KCNIP4: variants seen among roughly 807,000 people sequenced by gnomAD.
The protein encoded by KCNIP4 is potassium voltage-gated channel interacting protein 4.
A neutral mutation model predicts 34.0 loss-of-function variants in KCNIP4; 12 were observed. The ratio of observed to expected loss-of-function variants is 0.35; its 90% confidence interval spans 0.23 to 0.57. KCNIP4 has a LOEUF of 0.57. Ranked by LOEUF, KCNIP4 falls within the 20% of genes least tolerant of loss-of-function variation. The pLI is 0.83. For synonymous variants in KCNIP4, 124 were observed against 102.2 expected, an observed-to-expected ratio of 1.21 and a Z score of -1.29; for missense variants, 238 against 311.7, an observed-to-expected ratio of 0.76 and a Z score of 1.78.
At chr4:21,644,078 T>A (rs1003361839) in intron 1 of KCNIP4, among the ~76,000 whole-genome samples, 10 of 151,044 alleles carry the variant, frequency 6.6e-5, no homozygotes, top group South Asian at 6.3e-4. Context: ...GTCCTGGTTT[T>A]AAAAAAAAAA....
chr4:21,582,456 C>G (rs1004990241), intron 1 of KCNIP4: 1 of 151,824 alleles, frequency 6.6e-6, no homozygotes, highest in Non-Finnish European at 1.5e-5. Context: ...ACCTAATTTT[C>G]TGATTCAATA....
intron 1 of KCNIP4, among the ~76,000 whole-genome samples, chr4:21,687,317 A>G (rs889040304): frequency 1.1e-5 from 1 of 92,962 alleles, no homozygotes; most frequent in African/African-American, 2.9e-5. Context: ...CTTAAAGTAT[A>G]AAAAAAAAAA....
chr4:21,658,059 C>T lies in KCNIP4; in HGVS notation c.61+290512G>A, dbSNP rs563717585. Among the ~76,000 whole-genome samples, 7 of 152,086 alleles carry T rather than the reference C, an allele frequency of 4.6e-5. No homozygotes were observed. The East Asian group carries it at 1.4e-3, about 30-fold the overall frequency. On this transcript the variant is annotated intron_variant, in intron 1 of 8. Transcript: ENST00000382152. ...TTCACCATGTTGGCCAGGATTGTCT[C>T]AATCTCCTGACCTTGTGATCCTCCC...
intron 1 of KCNIP4, among the ~76,000 whole-genome samples, chr4:21,610,042 T>C (rs1373510619): frequency 6.6e-6 from 1 of 152,258 alleles, no homozygotes; most frequent in African/African-American, 2.4e-5. Flanking sequence ...CTTCTCCTGC[T>C]ACCTTAGGGA....
chr4:20,824,815 C>T (rs1319364704), intron 3 of KCNIP4, among the ~76,000 whole-genome samples: 1 of 82,700 alleles, frequency 1.2e-5, no homozygotes, highest in East Asian at 2.7e-4. Flanking sequence ...ACTGGATTCT[C>T]ATAATTGCTT....
chr4:21,769,666 A>G (rs1194086278), intron 1 of KCNIP4, among the ~76,000 whole-genome samples: 1 of 152,116 alleles, frequency 6.6e-6, no homozygotes, highest in Non-Finnish European at 1.5e-5. Context: ...TCTATGAGTC[A>G]TTATCACATT....
intron 1 of KCNIP4, among the ~76,000 whole-genome samples, chr4:21,725,885 C>T (rs768424632): frequency 2.6e-4 from 40 of 152,024 alleles, no homozygotes; most frequent in Non-Finnish European, 4.1e-4. Context: ...CCTCTTCTGC[C>T]CTAAAAGAGA....
intron 1 of KCNIP4, among the ~76,000 whole-genome samples, chr4:21,564,466 C>G (rs956280209): frequency 6.6e-6 from 1 of 152,120 alleles, no homozygotes; most frequent in African/African-American, 2.4e-5. Flanking sequence ...GACCCAGGAT[C>G]ATAAGTGGGG....
intron 1 of KCNIP4, among the ~76,000 whole-genome samples, chr4:21,183,554 C>A (rs1335031291): frequency 6.6e-6 from 1 of 150,892 alleles, no homozygotes; most frequent in African/African-American, 2.4e-5. Flanking sequence ...GCTCACTGCA[C>A]CTCTGCATAA....
At chr4:20,802,703 C>CA (rs1260750821) in intron 3 of KCNIP4, among the ~76,000 whole-genome samples, 1 of 152,044 alleles carries the variant, frequency 6.6e-6, no homozygotes, top group Non-Finnish European at 1.5e-5. Flanking sequence ...GAAAAATTAA[C>CA]AAAAAACGTT....
intron 1 of KCNIP4, among the ~76,000 whole-genome samples, chr4:20,944,590 T>C (rs1004624991): frequency 6.6e-6 from 1 of 152,214 alleles, no homozygotes; most frequent in Non-Finnish European, 1.5e-5. Flanking sequence ...GCTGCCCCAC[T>C]GTGATGAGGC....
chr4:21,196,260 T>A (rs112226930), intron 1 of KCNIP4, among the ~76,000 whole-genome samples: 4 of 152,204 alleles, frequency 2.6e-5, no homozygotes, highest in African/African-American at 9.6e-5. Context: ...AGAACACATG[T>A]TTTCTGTTCA....
intron 1 of KCNIP4, among the ~76,000 whole-genome samples, chr4:21,776,299 G>T (rs1719173505): frequency 6.6e-6 from 1 of 152,164 alleles, no homozygotes; most frequent in Non-Finnish European, 1.5e-5. Flanking sequence ...TGGATACCTT[G>T]GTTGCTGGTG....
rs183839913 is a variant in KCNIP4 at position 21,774,937 on chromosome 4, C to T, written c.61+173634G>A. On this transcript the variant is annotated intron_variant, in intron 1 of 8. Coordinates refer to ENST00000382152, the MANE Select transcript of KCNIP4 (RefSeq NM_025221.6). Reference sequence around the variant, plus strand: ...TTTTTTATTACCCATCTTCTGAAGCCTACTTCTGTCATTTCATCCATCTGA... The same window carrying T: ...TTTTTTATTACCCATCTTCTGAAGCTTACTTCTGTCATTTCATCCATCTGA... Among the ~76,000 whole-genome samples the T allele has an allele frequency of 1.1e-3, 172 of 152,240 alleles. 1 individual carries two copies. The highest frequency in any genetic ancestry group is 1.6e-3 in the Non-Finnish European group (110 of 68,034).
chr4:20,729,915 C>G lies in KCNIP4; in HGVS notation c.*167G>C, dbSNP rs1444744798. Reference sequence around the variant, plus strand: ...TTATGAAAAGGATGCAAATTTATAACTGAAAGCTCAAATCTTTTGGGGATT... The same window carrying G: ...TTATGAAAAGGATGCAAATTTATAAGTGAAAGCTCAAATCTTTTGGGGATT... On this transcript the variant is annotated 3_prime_UTR_variant, in exon 9 of 9. Transcript: ENST00000382152. 1.4e-6 allele frequency: 1 copy of G among 710,358 alleles called. No individual in the cohort carries two copies. Among genetic ancestry groups the G allele is most frequent in the Non-Finnish European group, 2.1e-6 (1 of 479,288 alleles). 44.0% of individuals were successfully genotyped at this position (710,358 alleles called of 1,614,324 possible). A position where few individuals can be genotyped will look rare whatever the true frequency, so the allele number is the denominator to read the frequency against.
chr4:21,234,202 T>C (rs1374132296), intron 1 of KCNIP4, among the ~76,000 whole-genome samples: 4 of 98,476 alleles, frequency 4.1e-5, no homozygotes, highest in East Asian at 2.4e-4. Flanking sequence ...ATATATAACA[T>C]ATATAACGTA....
intron 1 of KCNIP4, chr4:21,464,768 C>G (rs1729768886): frequency 6.6e-6 from 1 of 152,086 alleles, no homozygotes; most frequent in African/African-American, 2.4e-5. Flanking sequence ...ATAGACCTGA[C>G]AGACATTTAC....
At chr4:21,712,232 T>C (rs1045597390) in intron 1 of KCNIP4, among the ~76,000 whole-genome samples, 7 of 152,230 alleles carry the variant, frequency 4.6e-5, no homozygotes, top group Non-Finnish European at 1.0e-4. Context: ...AAGAATATGA[T>C]AACTTTATAT....
intron 1 of KCNIP4, among the ~76,000 whole-genome samples, chr4:21,853,502 C>A (rs1327497844): frequency 6.6e-6 from 1 of 152,118 alleles, no homozygotes; most frequent in African/African-American, 2.4e-5. Context: ...TTATAGAAAT[C>A]AGTGTTTCCA....
Sources: allele counts gnomAD v4.1 joint callset (sites outside exome capture counted in the v4.1 genomes callset), GRCh38; gene constraint gnomAD v4.1.1; transcripts MANE v1.5; gene names NCBI Gene and HGNC (gene_info 2026-07-23, HGNC 2026-07-21).